Variants in CMSS1 observed in about 807,000 individuals in gnomAD.
The protein encoded by CMSS1 is protein CMSS1.
CMSS1 carries 33 observed loss-of-function variants against 43.5 expected under a neutral mutation model. The ratio of observed to expected loss-of-function variants is 0.76; its 90% CI spans 0.57 to 1.01. CMSS1 has a LOEUF of 1.01. Among genes scored for constraint, CMSS1 ranks in the 50% least tolerant of loss-of-function variants. CMSS1 has a pLI of 0.00. For missense variants in CMSS1, 313 were observed against 326.4 expected (o/e 0.96, Z 0.32); for synonymous variants, 115 against 117.2 (o/e 0.98, Z 0.12).
chr3:100,133,381 C>G (rs1487835188), intron 1 of CMSS1, among the ~76,000 whole-genome samples: 1 of 151,916 alleles, frequency 6.6e-6, no homozygotes, highest in Non-Finnish European at 1.5e-5. Context: ...AGAGACAGAA[C>G]AAAAGTAAAT....
chr3:99,876,921 T>C (rs1705554740), intron 1 of CMSS1, among the ~76,000 whole-genome samples: 1 of 152,234 alleles, frequency 6.6e-6, no homozygotes, highest in Non-Finnish European at 1.5e-5. Context: ...AGACAATGTA[T>C]AAAATTAGAA....
At chr3:99,987,388 G>T (rs1576622634) in intron 1 of CMSS1, among the ~76,000 whole-genome samples, 1 of 151,386 alleles carries the variant, frequency 6.6e-6, no homozygotes, top group Non-Finnish European at 1.5e-5. Flanking sequence ...AATTAACGGG[G>T]TGTGGTGGCA....
chr3:100,087,609 T>G (rs2066032964), intron 1 of CMSS1, among the ~76,000 whole-genome samples: 1 of 152,128 alleles, frequency 6.6e-6, no homozygotes, highest in African/African-American at 2.4e-5. Flanking sequence ...TGAGATTTAT[T>G]TATATATTCT....
intron 1 of CMSS1, chr3:100,010,043 T>C (rs1176238422): frequency 4.5e-6 from 1 of 222,432 alleles, no homozygotes; most frequent in Non-Finnish European, 7.6e-6. Flanking sequence ...TGTTAAGATA[T>C]CTACCATATG....
At chr3:99,858,269 TC>T (rs1290316991) in intron 1 of CMSS1, among the ~76,000 whole-genome samples, 2 of 152,038 alleles carry the variant, frequency 1.3e-5, no homozygotes. Context: ...ATCGAGACCA[TC>T]CTGGCTAACA....
At chr3:99,832,324 G>A (rs1942700205) in intron 1 of CMSS1, among the ~76,000 whole-genome samples, 2 of 147,758 alleles carry the variant, frequency 1.4e-5, no homozygotes, top group South Asian at 2.2e-4. Context: ...TCCGCCTCCC[G>A]GGCTCCCGCC....
intron 1 of CMSS1, among the ~76,000 whole-genome samples, chr3:100,128,086 T>C (rs375420824): frequency 1.4e-4 from 21 of 152,338 alleles, no homozygotes; most frequent in African/African-American, 5.1e-4. Context: ...GCCTGGGCTA[T>C]GAAACATGGA....
chr3:100,088,696 C>T (rs2066053857), intron 1 of CMSS1, among the ~76,000 whole-genome samples: 1 of 152,092 alleles, frequency 6.6e-6, no homozygotes, highest in South Asian at 2.1e-4. Flanking sequence ...TTGAGTCTCC[C>T]ATTTTTCTTG....
intron 1 of CMSS1, among the ~76,000 whole-genome samples, chr3:100,077,655 G>A (rs1439851047): frequency 6.6e-6 from 1 of 152,112 alleles, no homozygotes; most frequent in Non-Finnish European, 1.5e-5. Flanking sequence ...TTGCCCAGTG[G>A]CTCACACCTA....
chr3:100,166,263 TCA>T, intron 4 of CMSS1, 70 bp from the exon 5 acceptor site: 1 of 995,534 alleles, frequency 1.0e-6, no homozygotes, highest in South Asian at 1.3e-5. Context: ...CACTCATAAC[TCA>T]CATATAATCT....
intron 1 of CMSS1, among the ~76,000 whole-genome samples, chr3:99,993,827 C>T (rs1228575189): frequency 6.6e-6 from 1 of 152,084 alleles, no homozygotes; most frequent in Non-Finnish European, 1.5e-5. Context: ...ATAAATCGTA[C>T]TTGATCATGA....
Position 99,983,389 on chromosome 3 carries a change from A to AATAAAT in CMSS1, c.65-163581_65-163580insAATATA, listed in dbSNP as rs1302972402. On this transcript the variant is annotated intron_variant, in intron 1 of 9. Transcript: ENST00000421999. ...TCTCTACTTAAAAAATAAATAAATAAATATATATATATATATATATATATA... is the reference window on the plus strand; with the variant it reads ...TCTCTACTTAAAAAATAAATAAATAAATAAATATATATATATATATATATATATATA... Among the ~76,000 whole-genome samples, 48 of 40,784 alleles carry AATAAAT rather than the reference A, an allele frequency of 1.2e-3. 4 individuals carry two copies. The highest frequency in any genetic ancestry group is 4.9e-3 in the African/African-American group (48 of 9,784). The allele number at this position is 40,784 out of a possible 152,430, so 26.8% of individuals were successfully genotyped here.
At position 99,823,925 on chromosome 3, in the gene CMSS1, C is replaced by CT. The variant is rs1288112808; in HGVS notation, c.64+5897dup. 6.6e-3 allele frequency among the ~76,000 whole-genome samples: 943 copies of CT among 141,940 alleles called. 5 individuals are homozygous for CT. Among genetic ancestry groups the CT allele is most frequent in the South Asian group, 8.8e-3 (39 of 4,446 alleles). 93.1% of individuals were successfully genotyped at this position (141,940 alleles called of 152,430 possible). ...TCTGATTGGCTGGCTTTCTTTCTTT[C>CT]TTTTTTTTTTTTTTTGAGCTGGAGT... On this transcript the variant is annotated intron_variant, in intron 1 of 9. Coordinates refer to ENST00000421999, the MANE Select transcript of CMSS1 (RefSeq NM_032359.4).
At chr3:99,977,853 C>A (rs1373464880) in intron 1 of CMSS1, among the ~76,000 whole-genome samples, 1 of 152,092 alleles carries the variant, frequency 6.6e-6, no homozygotes, top group Non-Finnish European at 1.5e-5. Flanking sequence ...TAAGAGAAAT[C>A]TGTTACCATT....
intron 1 of CMSS1, among the ~76,000 whole-genome samples, chr3:99,864,346 T>C (rs1025678514): frequency 6.6e-6 from 1 of 152,146 alleles, no homozygotes; most frequent in Non-Finnish European, 1.5e-5. Context: ...ATATTGAAGG[T>C]CTACTCTGTG....
chr3:99,956,696 A>G (rs1449508284), intron 1 of CMSS1, among the ~76,000 whole-genome samples: 2 of 152,160 alleles, frequency 1.3e-5, no homozygotes, highest in Non-Finnish European at 2.9e-5. Context: ...AATCTTGCCC[A>G]TCAAATACCC....
chr3:100,135,883 C>T (rs1228610194), intron 1 of CMSS1, among the ~76,000 whole-genome samples: 1 of 152,048 alleles, frequency 6.6e-6, no homozygotes, highest in Non-Finnish European at 1.5e-5. Flanking sequence ...GACTCCAGCT[C>T]AGTGTTTTAC....
chr3:100,066,517 C>CTTTTTTT (rs545356638), intron 1 of CMSS1, among the ~76,000 whole-genome samples: 2 of 38,318 alleles, frequency 5.2e-5, no homozygotes, highest in African/African-American at 2.3e-4. Flanking sequence ...GGCTTTGCTT[C>CTTTTTTT]TTTTTTTTTT....
At chr3:99,884,986 G>C (rs1474070581) in intron 1 of CMSS1, among the ~76,000 whole-genome samples, 3 of 152,212 alleles carry the variant, frequency 2.0e-5, no homozygotes, top group African/African-American at 2.4e-5. Context: ...AACCATGCAA[G>C]TGGGGAAAAT....
Sources: allele counts gnomAD v4.1 joint callset (sites outside exome capture counted in the v4.1 genomes callset), GRCh38; gene constraint gnomAD v4.1.1; transcripts MANE v1.5; gene names NCBI Gene and HGNC (gene_info 2026-07-23, HGNC 2026-07-21).